The following RHPN2 variants were observed in gnomAD, a reference collection of about 807,000 sequenced individuals.
The protein encoded by RHPN2 is rhophilin-2.
Under a neutral mutation model 79.0 loss-of-function variants are expected in RHPN2, and 40 were observed. The ratio of observed to expected loss-of-function variants is 0.51; its 90% CI spans 0.39 to 0.66. The LOEUF is 0.66. RHPN2 is among the 30% of genes least tolerant of loss of function. RHPN2 has a pLI of 0.00. For missense variants in RHPN2, 686 were observed against 883.5 expected (o/e 0.78, Z 2.83); for synonymous variants, 285 against 363.5 (o/e 0.78, Z 2.46).
At chr19:32,995,049 C>T (rs1971689787) in intron 11 of RHPN2, among the ~76,000 whole-genome samples, 1 of 152,090 alleles carries the variant, frequency 6.6e-6, no homozygotes, top group African/African-American at 2.4e-5. Flanking sequence ...GGACACAGTC[C>T]TGGGATACCG....
At chr19:33,059,503 T>C (rs1165775160) in intron 1 of RHPN2, among the ~76,000 whole-genome samples, 1 of 152,016 alleles carries the variant, frequency 6.6e-6, no homozygotes, top group Non-Finnish European at 1.5e-5. Context: ...TTTCACCGTG[T>C]TGGCCAGGCT....
chr19:33,064,317 G>C (rs1972307412), intron 1 of RHPN2, among the ~76,000 whole-genome samples: 1 of 135,158 alleles, frequency 7.4e-6, no homozygotes, highest in African/African-American at 3.4e-5. Context: ...CTGGGCGACA[G>C]AGCGCCTAAA....
At chr19:33,012,968 C>T (rs976595943) in intron 4 of RHPN2, among the ~76,000 whole-genome samples, 24 of 151,912 alleles carry the variant, frequency 1.6e-4, no homozygotes, top group Non-Finnish European at 2.8e-4. Flanking sequence ...CTCTGCCTCC[C>T]GGGTTCACGC....
intron 14 of RHPN2, among the ~76,000 whole-genome samples, chr19:32,988,770 T>G (rs1323139406): frequency 6.6e-6 from 1 of 152,204 alleles, no homozygotes; most frequent in African/African-American, 2.4e-5. Flanking sequence ...GTCACTCTCA[T>G]GTCTGGTCCA....
At position 33,002,962 on chromosome 19, in the gene RHPN2, G is replaced by A; in HGVS notation, c.799C>T (p.Pro267Ser). The A allele has an allele frequency of 6.2e-7, 1 of 1,613,950 alleles. No homozygotes were observed. The highest frequency in any genetic ancestry group is 1.7e-5 in the Admixed American group (1 of 60,004). Residue 267 changes from proline (P) to serine (S), a missense_variant, in exon 8 of 15, where the codon CCA becomes TCA. Pro to Ser is a moderately conservative substitution (Grantham distance 74, BLOSUM62 -1). Transcript: ENST00000254260. Reference sequence around the variant, plus strand: ...ATGGCAGGGCTCATGTCGTAACTTGGAGTATGGGTAAATGTGTCTTTCAGG... The same window carrying A: ...ATGGCAGGGCTCATGTCGTAACTTGAAGTATGGGTAAATGTGTCTTTCAGG... Reference protein sequence around the residue: ...NYLKDTFTHTPSYDMSPAMLS... With the variant: ...NYLKDTFTHTSSYDMSPAMLS...
chr19:32,996,105 C>T lies in RHPN2; in HGVS notation c.1341G>A (p.Gln447=), dbSNP rs1971698905. 2 of 1,614,070 alleles carry T rather than the reference C, an allele frequency of 1.2e-6. No homozygotes were observed. Among genetic ancestry groups the T allele is most frequent in the African/African-American group, 2.7e-5 (2 of 75,064 alleles). ...EVLQKVLCAA[Q]ERSRLTYAQH... ...GGGCGTACGTGAGCCGGGAGCGTTC[C>T]TGTGCGGCACACAGCACCTTCTGTA... The change falls in exon 11 of 15, where the codon CAG becomes CAA. Residue 447 remains glutamine (Q), a synonymous_variant. Transcript: ENST00000254260.
chr19:33,015,296 G>A (rs536165532), intron 4 of RHPN2, among the ~76,000 whole-genome samples: 4 of 151,850 alleles, frequency 2.6e-5, no homozygotes, highest in South Asian at 2.1e-4. Context: ...ATGCTGGCAG[G>A]TGCCTGTAAT....
intron 7 of RHPN2, among the ~76,000 whole-genome samples, chr19:33,007,130 C>G (rs372668343): frequency 6.6e-6 from 1 of 152,156 alleles, no homozygotes; most frequent in Non-Finnish European, 1.5e-5. Context: ...GAATGCATCA[C>G]TTGACAAAGG....
chr19:33,062,316 C>T (rs1344282395), intron 1 of RHPN2, among the ~76,000 whole-genome samples: 1 of 151,678 alleles, frequency 6.6e-6, no homozygotes, highest in Non-Finnish European at 1.5e-5. Context: ...CAAAAGTTAG[C>T]CAGGCGTGGT....
intron 4 of RHPN2, 134 bp from the exon 5 acceptor site, chr19:33,012,858 G>A: frequency 1.5e-6 from 1 of 649,746 alleles, no homozygotes; most frequent in East Asian, 2.8e-5. Context: ...TTTCAAAGTG[G>A]GGGAATTTAT....
At chr19:33,011,467 C>T (rs1192559299) in intron 6 of RHPN2, among the ~76,000 whole-genome samples, 1 of 152,126 alleles carries the variant, frequency 6.6e-6, no homozygotes, top group Non-Finnish European at 1.5e-5. Flanking sequence ...AAGCAAGAGG[C>T]CACAGTCTGT....
intron 2 of RHPN2, among the ~76,000 whole-genome samples, chr19:33,040,739 G>A (rs1158765593): frequency 2.6e-5 from 4 of 152,024 alleles, no homozygotes; most frequent in Non-Finnish European, 5.9e-5. Context: ...CAGATCACCT[G>A]AGGTCAGGAG....
intron 2 of RHPN2, 96 bp from the exon 3 acceptor site, chr19:33,026,728 G>T: frequency 6.9e-7 from 1 of 1,450,490 alleles, no homozygotes; most frequent in South Asian, 1.1e-5. Flanking sequence ...GGAGGATCAG[G>T]GCACAGCTTG....
At chr19:33,048,914 TA>T (rs1279259591) in intron 1 of RHPN2, among the ~76,000 whole-genome samples, 4 of 152,116 alleles carry the variant, frequency 2.6e-5, no homozygotes, top group Non-Finnish European at 4.4e-5. Flanking sequence ...TTCCTTTACG[TA>T]CATTCCCAGA....
chr19:33,038,859 T>C (rs1233233707), intron 2 of RHPN2, among the ~76,000 whole-genome samples: 3 of 152,166 alleles, frequency 2.0e-5, no homozygotes, highest in Admixed American at 6.6e-5. Flanking sequence ...GGTTTAACCA[T>C]GTTGGCCAGG....
intron 1 of RHPN2, among the ~76,000 whole-genome samples, chr19:33,060,022 G>A (rs770425241): frequency 2.0e-5 from 3 of 152,232 alleles, no homozygotes; most frequent in African/African-American, 7.2e-5. Flanking sequence ...GGCCCATGGA[G>A]TGGGCTCTCT....
At chr19:33,008,219 T>C in intron 6 of RHPN2, 39 bp from the exon 7 acceptor site, 3 of 1,600,722 alleles carry the variant, frequency 1.9e-6, no homozygotes, top group Non-Finnish European at 1.7e-6. Context: ...ACAGATTACT[T>C]GGCTAGTTAA....
chr19:33,049,720 C>T (rs988275038), intron 1 of RHPN2, among the ~76,000 whole-genome samples: 2 of 152,132 alleles, frequency 1.3e-5, no homozygotes, highest in East Asian at 3.9e-4. Context: ...ACAGGCAACT[C>T]CTGGGGTCGG....
rs977148612 is a variant in RHPN2, at chr19:33,064,547, A to C, written c.69+237T>G. Among the ~76,000 whole-genome samples the C allele has an allele frequency of 2.6e-3, 403 of 152,162 alleles. 1 individual carries two copies. The highest frequency in any genetic ancestry group is 9.1e-3 in the African/African-American group (380 of 41,548). ...CCGCCCGCACCTGCGCGGAGCGGCC[A>C]CATGCGCCTCCCCTACTCCCCGCCC... On this transcript the variant is annotated intron_variant, in intron 1 of 14. Transcript: ENST00000254260.
Sources: gnomAD v4.1 joint callset for allele counts (sites outside exome capture counted in the v4.1 genomes callset) on GRCh38, gnomAD v4.1.1 for gene constraint, MANE v1.5 for transcripts, NCBI Gene and HGNC (gene_info 2026-07-23, HGNC 2026-07-21) for gene names.